The following TECRL variants were observed in gnomAD, a reference collection of about 807,000 sequenced individuals.
TECRL encodes trans-2,3-enoyl-CoA reductase like, also known as trans-2,3-enoyl-CoA reductase-like.
In TECRL, 63 loss-of-function variants were observed where a neutral mutation model predicts 52.8. The ratio of observed to expected loss-of-function variants is 1.19; its 90% CI spans 0.97 to 1.47. TECRL has a LOEUF of 1.47. Ranked by LOEUF, TECRL falls within the 40% of genes most tolerant of loss-of-function variation. The probability of loss-of-function intolerance (pLI) is 0.00; values close to 1 mark genes in which losing one functional copy is unlikely to be tolerated. For missense variants in TECRL, 482 were observed against 429.6 expected (o/e 1.12, Z -1.08); for synonymous variants, 164 against 141.9 (o/e 1.16, Z -1.10).
chr4:64,322,921 T>A, intron 3 of TECRL, 129 bp from the exon 4 acceptor site: 1 of 683,034 alleles, frequency 1.5e-6, no homozygotes. Context: ...GTACAAGAAA[T>A]CTTCAAAGTA....
Position 64,279,822 on chromosome 4 carries a change from A to G in TECRL, c.*250T>C. 1 of 1,030,736 alleles carries G rather than the reference A, an allele frequency of 9.7e-7. No individual in the cohort carries two copies. Among genetic ancestry groups the G allele is most frequent in the Non-Finnish European group, 1.2e-6 (1 of 860,020 alleles). The allele number at this position is 1,030,736 out of a possible 1,614,324, so 63.8% of individuals were successfully genotyped here. On this transcript the variant is annotated 3_prime_UTR_variant, in exon 12 of 12. Transcript: ENST00000381210. ...TGTGAAGTATTAATGAAGTAAGACA[A>G]TTTTATTCAAGGACCAATCCCATGC...
At chr4:64,325,283 C>T (rs1361921050) in intron 3 of TECRL, among the ~76,000 whole-genome samples, 1 of 152,192 alleles carries the variant, frequency 6.6e-6, no homozygotes, top group African/African-American at 2.4e-5. Context: ...GCGATGAGCA[C>T]CCTTTCTGCA....
intron 11 of TECRL, among the ~76,000 whole-genome samples, chr4:64,280,620 T>C (rs967366319): frequency 6.6e-6 from 1 of 152,164 alleles, no homozygotes; most frequent in Non-Finnish European, 1.5e-5. Context: ...TCCCTTCTAC[T>C]ATATGGAAAT....
rs185088202 is a variant in TECRL at position 64,341,028 on chromosome 4, T to G, written c.287-12472A>C. Among the ~76,000 whole-genome samples the G allele has an allele frequency of 1.4e-3, 219 of 152,164 alleles. 2 individuals carry two copies. The East Asian group carries it at 0.039, about 27-fold the overall frequency. ...GAGAACAACCCATTGCAGGACCTCCTCTCTGCTGAGAGCTGCAGAGATGAT... is the reference window on the plus strand; with the variant it reads ...GAGAACAACCCATTGCAGGACCTCCGCTCTGCTGAGAGCTGCAGAGATGAT... On this transcript the variant is annotated intron_variant, in intron 2 of 11. Coordinates refer to ENST00000381210, the MANE Select transcript of TECRL (RefSeq NM_001010874.5).
At position 64,385,469 on chromosome 4, in the gene TECRL, C is replaced by T. The variant is rs936448278; in HGVS notation, c.235-10246G>A. ...TCTCTTTGTCCTGGCAGCAGCCTCC[C>T]TCATGCACTACACCACCCTCCTGTT... On this transcript the variant is annotated intron_variant, in intron 1 of 11. Coordinates refer to ENST00000381210, the MANE Select transcript of TECRL (RefSeq NM_001010874.5). Among the ~76,000 whole-genome samples, 9 of 152,124 alleles carry T rather than the reference C, an allele frequency of 5.9e-5. 1 individual carries two copies. Among genetic ancestry groups the T allele is most frequent in the Non-Finnish European group, 1.3e-4 (9 of 68,012 alleles).
intron 8 of TECRL, among the ~76,000 whole-genome samples, chr4:64,291,987 A>C (rs1354753313): frequency 2.0e-5 from 3 of 152,032 alleles, no homozygotes; most frequent in African/African-American, 7.2e-5. Context: ...GAGCAATAAT[A>C]ACTAGTAATT....
chr4:64,344,187 A>G (rs1036753841), intron 2 of TECRL, among the ~76,000 whole-genome samples: 4 of 151,914 alleles, frequency 2.6e-5, no homozygotes, highest in Admixed American at 6.6e-5. Flanking sequence ...ATATACATAT[A>G]TTATAGCTCC....
intron 5 of TECRL, among the ~76,000 whole-genome samples, chr4:64,312,800 C>T (rs1471271866): frequency 6.6e-6 from 1 of 151,702 alleles, no homozygotes. Context: ...GAGTCAATTC[C>T]TTTGAGAATG....
At chr4:64,408,419 C>T (rs989107832) in intron 1 of TECRL, among the ~76,000 whole-genome samples, 41 of 151,738 alleles carry the variant, frequency 2.7e-4, no homozygotes, top group Non-Finnish European at 4.7e-4. Flanking sequence ...ATTATTTATG[C>T]ATATATTTAT....
rs1717671537 is a variant in TECRL, at chr4:64,318,591, A to G, written c.436-3828T>C. On this transcript the variant is annotated intron_variant, in intron 4 of 11. Coordinates refer to ENST00000381210, the MANE Select transcript of TECRL (RefSeq NM_001010874.5). Reference sequence around the variant, plus strand: ...ACAAAACCAAACAAGAATTGTTTAGAAAAGACACATTACTTTCAAAGGAGT... The same window carrying G: ...ACAAAACCAAACAAGAATTGTTTAGGAAAGACACATTACTTTCAAAGGAGT... 1.3e-5 allele frequency among the ~76,000 whole-genome samples: 2 copies of G among 152,072 alleles called. 1 individual carries two copies. Among genetic ancestry groups the G allele is most frequent in the South Asian group, 4.1e-4 (2 of 4,832 alleles).
At chr4:64,394,207 G>A (rs1405687500) in intron 1 of TECRL, among the ~76,000 whole-genome samples, 1 of 152,130 alleles carries the variant, frequency 6.6e-6, no homozygotes, top group Non-Finnish European at 1.5e-5. Context: ...TATAGTGACT[G>A]TAAAATCATC....
intron 2 of TECRL, 129 bp from the exon 3 acceptor site, chr4:64,328,685 A>AGAAATAGTGGTTACC (rs1334415511): frequency 5.6e-6 from 4 of 718,146 alleles, no homozygotes; most frequent in Non-Finnish European, 9.4e-6. Context: ...TGTCAGAAAT[A>AGAAATAGTGGTTACC]GAAATAGTGG....
chr4:64,289,050 T>A (rs558714314), intron 9 of TECRL, among the ~76,000 whole-genome samples: 1 of 152,352 alleles, frequency 6.6e-6, no homozygotes, highest in South Asian at 2.1e-4. Flanking sequence ...TTCAAGAGTT[T>A]GTTGAATTCT....
At chr4:64,336,790 T>G (rs2110063748) in intron 2 of TECRL, among the ~76,000 whole-genome samples, 1 of 152,344 alleles carries the variant, frequency 6.6e-6, no homozygotes, top group African/African-American at 2.4e-5. Context: ...AGGAGCAGGT[T>G]GTTCAGTTTC....
chr4:64,378,118 A>G (rs554379077), intron 1 of TECRL, among the ~76,000 whole-genome samples: 127 of 152,288 alleles, frequency 8.3e-4, no homozygotes, highest in African/African-American at 3.0e-3. Context: ...AAATGCAGAC[A>G]CAGATACACA....
intron 2 of TECRL, among the ~76,000 whole-genome samples, chr4:64,360,317 T>C (rs1364748404): frequency 6.6e-6 from 1 of 152,186 alleles, no homozygotes; most frequent in Non-Finnish European, 1.5e-5. Flanking sequence ...TCTGCAATTT[T>C]AAAGTTGAGT....
chr4:64,290,815 C>T (rs1723339231), intron 8 of TECRL, among the ~76,000 whole-genome samples: 1 of 152,030 alleles, frequency 6.6e-6, no homozygotes, highest in African/African-American at 2.4e-5. Flanking sequence ...TAATCATCTT[C>T]AATAAATTAA....
chr4:64,375,304 AT>A (rs1722320835), intron 1 of TECRL, 81 bp from the exon 2 acceptor site: 1 of 681,620 alleles, frequency 1.5e-6, no homozygotes, highest in Admixed American at 4.0e-5. Context: ...AAGTTTAAAT[AT>A]ATCATAAAAT....
chr4:64,360,555 G>A (rs909887851), intron 2 of TECRL, among the ~76,000 whole-genome samples: 4 of 152,118 alleles, frequency 2.6e-5, no homozygotes, highest in Non-Finnish European at 5.9e-5. Context: ...ACGGAGTCAG[G>A]AAGAACTTCT....
Sources: gnomAD v4.1 joint callset for allele counts (sites outside exome capture counted in the v4.1 genomes callset) on GRCh38, gnomAD v4.1.1 for gene constraint, MANE v1.5 for transcripts, NCBI Gene and HGNC (gene_info 2026-07-23, HGNC 2026-07-21) for gene names.